The following ZFPM2 variants were observed in gnomAD, a reference collection of about 807,000 sequenced individuals.
ZFPM2 encodes the protein zinc finger protein ZFPM2.
Under a neutral mutation model 98.6 loss-of-function variants are expected in ZFPM2, and 20 were observed. The observed-to-expected ratio is 0.20, with a 90% CI of 0.14 to 0.29. ZFPM2 has a LOEUF of 0.29. Ranked by LOEUF, ZFPM2 falls within the 10% of genes least tolerant of loss-of-function variation. ZFPM2 has a pLI of 1.00. For synonymous variants in ZFPM2, 518 were observed against 502.7 expected, an observed-to-expected ratio of 1.03 and a Z score of -0.41; for missense variants, 1,310 against 1,388.6, an observed-to-expected ratio of 0.94 and a Z score of 0.90.
chr8:105,512,967 T>A (rs982742869), intron 3 of ZFPM2, among the ~76,000 whole-genome samples: 4 of 152,144 alleles, frequency 2.6e-5, no homozygotes, highest in Admixed American at 1.3e-4. Context: ...CCTTGTTAAG[T>A]CATGGCTTTG....
intron 5 of ZFPM2, among the ~76,000 whole-genome samples, chr8:105,763,670 T>G (rs1423217659): frequency 1.3e-5 from 2 of 151,824 alleles, no homozygotes; most frequent in Non-Finnish European, 2.9e-5. Context: ...TCAGAAGGAT[T>G]AAGTAGATTG....
chr8:105,696,928 G>A (rs888275611), intron 5 of ZFPM2, among the ~76,000 whole-genome samples: 10 of 152,028 alleles, frequency 6.6e-5, no homozygotes, highest in East Asian at 1.9e-4. Flanking sequence ...TTGGGGTATC[G>A]GTGACCCCTG....
At chr8:105,592,790 C>T (rs1298447271) in intron 4 of ZFPM2, among the ~76,000 whole-genome samples, 3 of 152,124 alleles carry the variant, frequency 2.0e-5, no homozygotes, top group Admixed American at 1.3e-4. Context: ...GAGATGTCTT[C>T]AGAATTATCT....
intron 6 of ZFPM2, among the ~76,000 whole-genome samples, chr8:105,796,407 T>A (rs1397581544): frequency 1.3e-5 from 2 of 152,230 alleles, no homozygotes; most frequent in Non-Finnish European, 2.9e-5. Context: ...GTTAAATTCA[T>A]CCTGCTTAAA....
intron 5 of ZFPM2, among the ~76,000 whole-genome samples, chr8:105,773,879 C>T (rs2131096059): frequency 6.6e-6 from 1 of 152,126 alleles, no homozygotes; most frequent in South Asian, 2.1e-4. Flanking sequence ...ATGAAACACA[C>T]TCACTCATAC....
At chr8:105,528,393 G>A (rs538470355) in intron 3 of ZFPM2, among the ~76,000 whole-genome samples, 1 of 152,248 alleles carries the variant, frequency 6.6e-6, no homozygotes, top group Non-Finnish European at 1.5e-5. Flanking sequence ...ACTAAACTCT[G>A]AAGGGTCATT....
At chr8:105,789,048 C>T in intron 6 of ZFPM2, 124 bp downstream of exon 6, 9 of 730,790 alleles carry the variant, frequency 1.2e-5, no homozygotes, top group South Asian at 6.5e-5. Context: ...TTCATTTTAT[C>T]TTTTTTCTTT....
chr8:105,517,910 T>A (rs1813971532), intron 3 of ZFPM2, among the ~76,000 whole-genome samples: 2 of 152,048 alleles, frequency 1.3e-5, no homozygotes, highest in Admixed American at 1.3e-4. Context: ...AGACTCTGTC[T>A]CAAAGAAACA....
intron 2 of ZFPM2, 35 bp from the exon 3 acceptor site, chr8:105,444,245 C>G: frequency 1.3e-6 from 2 of 1,538,924 alleles, no homozygotes; most frequent in Non-Finnish European, 1.8e-6. Context: ...GAGCTTTGCT[C>G]ATTTTCTTTC....
intron 5 of ZFPM2, among the ~76,000 whole-genome samples, chr8:105,645,256 ATTAT>A (rs773388463): frequency 1.3e-5 from 2 of 152,204 alleles, no homozygotes; most frequent in Non-Finnish European, 2.9e-5. Flanking sequence ...CTAAAACTTT[ATTAT>A]TTAACTTTGC....
At chr8:105,466,251 T>G (rs1330857409) in intron 3 of ZFPM2, among the ~76,000 whole-genome samples, 1 of 152,066 alleles carries the variant, frequency 6.6e-6, no homozygotes, top group African/African-American at 2.4e-5. Context: ...AAAACATCAT[T>G]TCTCATCTGT....
At chr8:105,448,519 AT>A (rs537018995) in intron 3 of ZFPM2, among the ~76,000 whole-genome samples, 1 of 151,994 alleles carries the variant, frequency 6.6e-6, no homozygotes, top group South Asian at 2.1e-4. Context: ...CTGTATTCTC[AT>A]TTTTTTGATG....
chr8:105,552,711 C>G (rs1265468034), intron 3 of ZFPM2, among the ~76,000 whole-genome samples: 2 of 151,946 alleles, frequency 1.3e-5, no homozygotes, highest in Non-Finnish European at 2.9e-5. Flanking sequence ...CAATTTCTTT[C>G]TCCCAACCTT....
At chr8:105,799,372 T>TATTG (rs1393443290) in intron 7 of ZFPM2, among the ~76,000 whole-genome samples, 1 of 152,356 alleles carries the variant, frequency 6.6e-6, no homozygotes, top group East Asian at 1.9e-4. Context: ...AAAGCTACTC[T>TATTG]ATTGATAGAT....
intron 4 of ZFPM2, among the ~76,000 whole-genome samples, chr8:105,580,692 A>T (rs1240944081): frequency 6.6e-6 from 1 of 151,982 alleles, no homozygotes; most frequent in Non-Finnish European, 1.5e-5. Flanking sequence ...TTAATTACTC[A>T]TTTGAGAAAA....
At chr8:105,517,956 T>C (rs562964181) in intron 3 of ZFPM2, among the ~76,000 whole-genome samples, 115 of 152,280 alleles carry the variant, frequency 7.6e-4, no homozygotes, top group African/African-American at 2.6e-3. Flanking sequence ...CGAATACCCT[T>C]GATCATTGTG....
intron 1 of ZFPM2, among the ~76,000 whole-genome samples, chr8:105,404,016 CA>C (rs1811391998): frequency 6.6e-6 from 1 of 151,300 alleles, no homozygotes; most frequent in Admixed American, 6.6e-5. Flanking sequence ...ACAACAACAA[CA>C]ACAACAACAA....
intron 4 of ZFPM2, among the ~76,000 whole-genome samples, chr8:105,562,849 G>T (rs144556121): frequency 3.9e-5 from 6 of 152,268 alleles, no homozygotes; most frequent in African/African-American, 1.4e-4. Flanking sequence ...CCATGCAAAG[G>T]AATGTTCGCA....
intron 5 of ZFPM2, among the ~76,000 whole-genome samples, chr8:105,694,466 G>A (rs552378098): frequency 9.2e-5 from 14 of 151,872 alleles, no homozygotes; most frequent in South Asian, 2.1e-4. Context: ...TAAAAATATC[G>A]AGCAAGTTAC....
Sources: gnomAD v4.1 joint callset for allele counts (sites outside exome capture counted in the v4.1 genomes callset) on GRCh38, gnomAD v4.1.1 for gene constraint, MANE v1.5 for transcripts, NCBI Gene and HGNC (gene_info 2026-07-23, HGNC 2026-07-21) for gene names.